Variants in STRIP1 observed in about 807,000 individuals in gnomAD.
STRIP1 encodes the protein striatin-interacting protein 1.
In STRIP1, 63 loss-of-function variants were observed where a neutral mutation model predicts 106.2. The observed-to-expected ratio is 0.59, with a 90% CI of 0.48 to 0.73. The LOEUF (loss-of-function observed/expected upper bound fraction) is 0.73, where lower values mean the gene tolerates loss of function less well. Among genes scored for constraint, STRIP1 ranks in the 30% least tolerant of loss-of-function variants. The pLI, the probability that STRIP1 is intolerant of heterozygous loss-of-function variation, is 0.00. For missense variants in STRIP1, 857 were observed against 1,074.8 expected (o/e 0.80, Z 2.83); for synonymous variants, 390 against 413.0 (o/e 0.94, Z 0.67).
intron 20 of STRIP1, among the ~76,000 whole-genome samples, chr1:110,052,802 G>A (rs1368274015): frequency 6.6e-6 from 1 of 152,138 alleles, no homozygotes. Context: ...CTGGGTTCAA[G>A]CGATCCACCA....
Position 110,051,942 on chromosome 1 carries a change from T to A in STRIP1, c.2266+55T>A. On this transcript the variant is annotated intron_variant, in intron 20 of 20. Transcript: ENST00000369795. ...TGGGAGTGTGTCGGGAAAAGTGACATCTTTCACTCCCTGCCCGTGGTACTC... is the reference window on the plus strand; with the variant it reads ...TGGGAGTGTGTCGGGAAAAGTGACAACTTTCACTCCCTGCCCGTGGTACTC... The A allele has an allele frequency of 3.2e-6, 5 of 1,568,890 alleles. No individual in the cohort carries two copies. In the Admixed American group the frequency reaches 6.7e-5, roughly 21 times the overall value.
rs747025828 is a variant in STRIP1 at position 110,041,553 on chromosome 1, T to C, written c.668T>C (p.Met223Thr). The change falls in exon 7 of 21, where the codon ATG (methionine) becomes ACG (threonine). Residue 223 changes from methionine to threonine, a missense_variant. Transcript: ENST00000369795. ...GTCCTCAGGGTCCTGCTCAACATCA[T>C]GTACCTGATAGTGGAGACCGTTCAT... ...STDLRVLLNI[M>T]YLIVETVHQE... is the part of the protein sequence containing the mutation. 8 of 1,613,870 alleles carry C rather than the reference T, an allele frequency of 5.0e-6. No homozygotes were observed. Among genetic ancestry groups the C allele is most frequent in the African/African-American group, 2.7e-5 (2 of 75,016 alleles).
intron 5 of STRIP1, chr1:110,039,767 C>T (rs890966993): frequency 3.3e-5 from 42 of 1,279,556 alleles, no homozygotes; most frequent in Non-Finnish European, 4.1e-5. Flanking sequence ...CCTGCCCAGG[C>T]CTGGGGTGCT....
At chr1:110,038,032 A>AGCCCTAAATGATATTCAT in intron 2 of STRIP1, 72 bp downstream of exon 2, 1 of 826,974 alleles carries the variant, frequency 1.2e-6, no homozygotes, top group Non-Finnish European at 1.9e-6. Flanking sequence ...TTAATAATGA[A>AGCCCTAAATGATATTCAT]TATCATTTAG....
chr1:110,032,604 A>C (rs1334786260), upstream of STRIP1, among the ~76,000 whole-genome samples: 1 of 151,916 alleles, frequency 6.6e-6, no homozygotes, highest in African/African-American at 2.4e-5. Flanking sequence ...TGTTTTTCTT[A>C]CTCTCGAGCT....
chr1:110,043,278 C>T lies in STRIP1; in HGVS notation c.1068+8C>T, dbSNP rs554587100. 1,094 of 1,608,330 alleles carry T rather than the reference C, an allele frequency of 6.8e-4. 13 individuals are homozygous for T. The South Asian group carries it at 9.6e-3, about 14-fold the overall frequency. On this transcript the variant is annotated splice_region_variant and intron_variant, in intron 9 of 20. Coordinates refer to ENST00000369795, the MANE Select transcript of STRIP1 (RefSeq NM_033088.4). ...GGCCGCCGAGAGCACAAGGTGAGGA[C>T]GACAGAGGTCCCTGTGACTCCTGAG...
At chr1:110,047,693 G>A (rs1653094659) in intron 14 of STRIP1, 77 bp downstream of exon 14, 1 of 1,542,158 alleles carries the variant, frequency 6.5e-7, no homozygotes, top group Non-Finnish European at 8.8e-7. Context: ...GCCACCTGCA[G>A]ACCAACAGGA....
chr1:110,046,910 C>T (rs557233826), intron 13 of STRIP1, among the ~76,000 whole-genome samples, 159 bp downstream of exon 13: 13 of 152,072 alleles, frequency 8.5e-5, no homozygotes, highest in Admixed American at 5.2e-4. Flanking sequence ...ATTAGCCAGC[C>T]GTGGTGGCGG....
chr1:110,047,672 G>C, intron 14 of STRIP1, 56 bp downstream of exon 14: 3 of 1,563,788 alleles, frequency 1.9e-6, no homozygotes, highest in South Asian at 2.3e-5. Flanking sequence ...AGCAGGCCCT[G>C]CCGTCCTCCT....
At chr1:110,042,013 A>C in intron 8 of STRIP1, 152 bp downstream of exon 8, 1 of 931,546 alleles carries the variant, frequency 1.1e-6, no homozygotes, top group Non-Finnish European at 1.6e-6. Flanking sequence ...GAGATGACAA[A>C]AGAAGGGCCA....
chr1:110,044,734 C>T lies in STRIP1; in HGVS notation c.1287-106C>T, dbSNP rs1652934475. 4.7e-6 allele frequency: 5 copies of T among 1,074,634 alleles called. 1 individual carries two copies. The highest frequency in any genetic ancestry group is 5.1e-5 in the East Asian group (2 of 39,148). 66.6% of individuals were successfully genotyped at this position (1,074,634 alleles called of 1,614,324 possible). A position where few individuals can be genotyped will look rare whatever the true frequency, so the allele number is the denominator to read the frequency against. ...AGAAAAACAATTATAGGAGACTTCT[C>T]CTGGCTTCACAGTTTCTGGATGCTG... On this transcript the variant is annotated intron_variant, in intron 10 of 20. Coordinates refer to ENST00000369795, the MANE Select transcript of STRIP1 (RefSeq NM_033088.4).
intron 12 of STRIP1, among the ~76,000 whole-genome samples, chr1:110,046,423 C>A (rs970850866): frequency 2.0e-5 from 3 of 152,156 alleles, no homozygotes; most frequent in Non-Finnish European, 2.9e-5. Context: ...TTGCTTGAAC[C>A]TGGGAGGCGG....
At position 110,034,683 on chromosome 1, in the gene STRIP1, A is replaced by G. The variant is rs1300203859; in HGVS notation, c.46A>G (p.Lys16Glu). The change falls in exon 1 of 21, where the codon AAA (lysine) becomes GAA (glutamate). Residue 16 changes from lysine (K) to glutamate (E), a missense_variant. Around this residue, in one of 2 missense-constraint regions of STRIP1, gnomAD observed 107 missense variants for 85.1 expected, o/e 1.26. Transcript: ENST00000369795. ...TCCGGGCCCACTGATCGTGAACAACAAACAGCCCCAGCCCCCGCCACCTCC... is the reference window on the plus strand; with the variant it reads ...TCCGGGCCCACTGATCGTGAACAACGAACAGCCCCAGCCCCCGCCACCTCC... ...GGPGPLIVNN[K>E]QPQPPPPPPP... 1.6e-5 allele frequency: 25 copies of G among 1,523,884 alleles called. No homozygotes were observed. Among genetic ancestry groups the G allele is most frequent in the Non-Finnish European group, 1.8e-5 (20 of 1,136,946 alleles). The allele number at this position is 1,523,884 out of a possible 1,614,324, so 94.4% of individuals were successfully genotyped here.
intron 17 of STRIP1, chr1:110,050,052 T>A (rs11102049): frequency 1.6e-5 from 7 of 437,482 alleles, no homozygotes; most frequent in African/African-American, 4.0e-5. Context: ...TGCCCTGAGC[T>A]ATCTCCTCCC....
At chr1:110,034,844 G>C in intron 1 of STRIP1, 27 bp downstream of exon 1, 1 of 1,373,868 alleles carries the variant, frequency 7.3e-7, no homozygotes, top group Non-Finnish European at 9.4e-7. Context: ...GGCGAGGCTC[G>C]CACCGGGTCG....
At chr1:110,052,003 C>T in intron 20 of STRIP1, 116 bp downstream of exon 20, 2 of 1,089,582 alleles carry the variant, frequency 1.8e-6, no homozygotes, top group Admixed American at 4.4e-5. Flanking sequence ...CCCCAAGGAA[C>T]AGGAAGGAGC....
intron 9 of STRIP1, 59 bp from the exon 10 acceptor site, chr1:110,043,580 C>A: frequency 6.9e-7 from 1 of 1,459,156 alleles, no homozygotes; most frequent in Non-Finnish European, 9.5e-7. Context: ...CCTCTGGCTG[C>A]ACTTCCCTGG....
rs186128172 is a variant in STRIP1, at chr1:110,042,358, G to A, written c.885+497G>A. On this transcript the variant is annotated intron_variant, in intron 8 of 20. Transcript: ENST00000369795. ...CCGTCCAGCACACTGGGCTTGGAGC[G>A]TTGTTAGCAGCCAGGCCATGCCAGG... Among the ~76,000 whole-genome samples the A allele has an allele frequency of 5.5e-3, 831 of 152,322 alleles. 2 individuals are homozygous for A. The highest frequency in any genetic ancestry group is 0.012 in the South Asian group (57 of 4,832).
intron 1 of STRIP1, among the ~76,000 whole-genome samples, chr1:110,035,697 A>C (rs1354594071): frequency 2.0e-5 from 3 of 152,204 alleles, no homozygotes; most frequent in Admixed American, 6.5e-5. Flanking sequence ...GCCATCTCCT[A>C]GATTGATCAG....
Sources: gnomAD v4.1 joint callset for allele counts (sites outside exome capture counted in the v4.1 genomes callset) on GRCh38, gnomAD v4.1.1 for gene constraint, gnomAD v4.1.1 regional missense constraint, MANE v1.5 for transcripts, NCBI Gene and HGNC (gene_info 2026-07-23, HGNC 2026-07-21) for gene names.